Variants in NBAS observed in about 807,000 individuals in gnomAD.
The protein encoded by NBAS is NAG/BC035112 fusion.
In NBAS, 219 loss-of-function variants were observed where a neutral mutation model predicts 302.5. That is an observed-to-expected ratio of 0.72 (90% CI 0.65 to 0.81). The LOEUF (loss-of-function observed/expected upper bound fraction) is 0.81, where lower values mean the gene tolerates loss of function less well. NBAS is among the 30% of genes least tolerant of loss of function. The pLI, the probability that NBAS is intolerant of heterozygous loss-of-function variation, is 0.00. For missense variants in NBAS, 2,932 were observed against 2,841.6 expected (o/e 1.03, Z -0.72); for synonymous variants, 1,118 against 1,021.6 (o/e 1.09, Z -1.80).
chr2:15,117,419 C>T, the NBAS span, among the ~76,000 whole-genome samples: 1 of 152,178 alleles, frequency 6.6e-6, no homozygotes, highest in Admixed American at 6.5e-5. Context: ...TGTTCAGAGC[C>T]CTGCTCTTCC....
intron 31 of NBAS, among the ~76,000 whole-genome samples, chr2:15,369,090 T>C (rs1674361298): frequency 1.3e-5 from 2 of 152,314 alleles, no homozygotes; most frequent in East Asian, 3.9e-4. Context: ...CATATGATAA[T>C]TGTGAGATAG....
chr2:15,416,386 C>T (rs1335368785), intron 24 of NBAS, among the ~76,000 whole-genome samples: 1 of 152,088 alleles, frequency 6.6e-6, no homozygotes, highest in Non-Finnish European at 1.5e-5. Context: ...TTAATTATCC[C>T]CCAAAAGATA....
the NBAS span, among the ~76,000 whole-genome samples, chr2:14,853,498 G>A: frequency 3.1e-5 from 3 of 95,510 alleles, 1 homozygote; most frequent in Non-Finnish European, 6.0e-5. Context: ...TTCAACCATT[G>A]TGGAAGTCAG....
chr2:15,027,676 G>A, the NBAS span, among the ~76,000 whole-genome samples: 3 of 152,096 alleles, frequency 2.0e-5, no homozygotes, highest in South Asian at 2.1e-4. Context: ...ATTAAATAAC[G>A]AAGGGAATAG....
intron 21 of NBAS, among the ~76,000 whole-genome samples, chr2:15,460,525 C>A (rs916226728): frequency 2.0e-5 from 3 of 152,148 alleles, no homozygotes; most frequent in Non-Finnish European, 4.4e-5. Flanking sequence ...AGGTGCCATT[C>A]AGGCCTGGGG....
At chr2:14,939,303 G>C in the NBAS span, among the ~76,000 whole-genome samples, 2 of 152,212 alleles carry the variant, frequency 1.3e-5, no homozygotes, top group Non-Finnish European at 2.9e-5. Flanking sequence ...CTACAGCTCT[G>C]CTTCTACTGC....
intron 29 of NBAS, 25 bp downstream of exon 29, chr2:15,383,190 A>G: frequency 6.3e-7 from 1 of 1,584,242 alleles, no homozygotes; most frequent in South Asian, 1.1e-5. Flanking sequence ...AATTAAAAAA[A>G]AATCGTATAT....
At chr2:14,916,633 C>A in the NBAS span, among the ~76,000 whole-genome samples, 1 of 152,124 alleles carries the variant, frequency 6.6e-6, no homozygotes, top group South Asian at 2.1e-4. Flanking sequence ...TGATTTTTCT[C>A]ACTGTAACTA....
At chr2:15,497,407 C>G (rs548200031) in intron 11 of NBAS, among the ~76,000 whole-genome samples, 257 of 152,236 alleles carry the variant, frequency 1.7e-3, no homozygotes, top group Middle Eastern at 6.8e-3. Context: ...TAAGTACACT[C>G]TGAAGATGAT....
chr2:15,455,571 T>C (rs948604654), intron 21 of NBAS, among the ~76,000 whole-genome samples: 1 of 152,066 alleles, frequency 6.6e-6, no homozygotes, highest in Admixed American at 6.6e-5. Context: ...TGGGATTCTG[T>C]ATTAATAATA....
At chr2:14,908,934 C>A in the NBAS span, among the ~76,000 whole-genome samples, 1 of 152,152 alleles carries the variant, frequency 6.6e-6, no homozygotes, top group Non-Finnish European at 1.5e-5. Flanking sequence ...GTAGAAAGAT[C>A]CAGAAATGCA....
chr2:14,949,146 A>G, the NBAS span, among the ~76,000 whole-genome samples: 1 of 152,170 alleles, frequency 6.6e-6, no homozygotes, highest in Non-Finnish European at 1.5e-5. Context: ...TTCTAGAAAC[A>G]ACAATAGGGA....
intron 35 of NBAS, among the ~76,000 whole-genome samples, chr2:15,348,633 T>C (rs1673207132): frequency 6.6e-6 from 1 of 151,802 alleles, no homozygotes; most frequent in Non-Finnish European, 1.5e-5. Flanking sequence ...CTCCTCACAC[T>C]GGCCAAAACA....
intron 40 of NBAS, among the ~76,000 whole-genome samples, chr2:15,301,647 T>G (rs1169253853): frequency 2.6e-5 from 4 of 152,204 alleles, no homozygotes; most frequent in Non-Finnish European, 2.9e-5. Context: ...TTATCCCACC[T>G]TCTTCCAGTA....
At chr2:15,031,849 C>T in the NBAS span, among the ~76,000 whole-genome samples, 4 of 152,204 alleles carry the variant, frequency 2.6e-5, no homozygotes, top group African/African-American at 9.7e-5. Context: ...TGAAAGAGAA[C>T]TGGCTGGAGA....
chr2:15,229,347 C>CAAAAAAAAAAAAAAAAAAAAA (rs61152926), intron 47 of NBAS, among the ~76,000 whole-genome samples: 2 of 76,870 alleles, frequency 2.6e-5, no homozygotes, highest in African/African-American at 4.4e-5. Flanking sequence ...TCTCAAAAAA[C>CAAAAAAAAAAAAAAAAAAAAA]AAAAAAAAAA....
chr2:15,054,706 C>T, the NBAS span, among the ~76,000 whole-genome samples: 3 of 152,178 alleles, frequency 2.0e-5, no homozygotes, highest in African/African-American at 7.2e-5. Context: ...ACCTCCAGAT[C>T]GGGCCAACTG....
intron 25 of NBAS, among the ~76,000 whole-genome samples, chr2:15,412,861 T>A (rs1251878733): frequency 6.6e-6 from 1 of 152,136 alleles, no homozygotes; most frequent in Non-Finnish European, 1.5e-5. Context: ...ACTACACGAA[T>A]CACACAAGGA....
chr2:15,496,460 G>A (rs1207047495), intron 11 of NBAS, among the ~76,000 whole-genome samples: 5 of 152,154 alleles, frequency 3.3e-5, no homozygotes, highest in East Asian at 1.9e-4. Flanking sequence ...TAATTTAAAT[G>A]AGTAAATTGT....
Sources: allele counts gnomAD v4.1 joint callset (sites outside exome capture counted in the v4.1 genomes callset), GRCh38; gene constraint gnomAD v4.1.1; transcripts MANE v1.5; gene names NCBI Gene and HGNC (gene_info 2026-07-23, HGNC 2026-07-21).